KRT27: variants seen among roughly 807,000 people sequenced by gnomAD.
KRT27 encodes keratin 27.
A neutral mutation model predicts 45.3 loss-of-function variants in KRT27; 30 were observed. The ratio of observed to expected loss-of-function variants is 0.66; its 90% CI spans 0.50 to 0.90. The LOEUF (loss-of-function observed/expected upper bound fraction) is 0.90, where lower values mean the gene tolerates loss of function less well. Among genes scored for constraint, KRT27 ranks in the 40% least tolerant of loss-of-function variants. The probability of loss-of-function intolerance (pLI) is 0.00; values close to 1 mark genes in which losing one functional copy is unlikely to be tolerated. For synonymous variants in KRT27, 204 were observed against 223.9 expected, an observed-to-expected ratio of 0.91 and a Z score of 0.79; for missense variants, 610 against 564.3, an observed-to-expected ratio of 1.08 and a Z score of -0.82.
Position 40,781,177 on chromosome 17 carries a change from G to A in KRT27, c.527+11C>T. On this transcript the variant is annotated intron_variant, in intron 2 of 7. Coordinates refer to ENST00000301656, the MANE Select transcript of KRT27 (RefSeq NM_181537.4). Reference sequence around the variant, plus strand: ...AACTTTTTTTTCCCATTTATCTTCAGCTCTACTTACTTTAGTCTGAAGTCA... The same window carrying A: ...AACTTTTTTTTCCCATTTATCTTCAACTCTACTTACTTTAGTCTGAAGTCA... The A allele has an allele frequency of 6.3e-7, 1 of 1,581,644 alleles. No homozygotes were observed. The highest frequency in any genetic ancestry group is 1.2e-5 in the South Asian group (1 of 86,474).
chr17:40,781,178 CTCTA>C lies in KRT27; in HGVS notation c.527+6_527+9del. 1 of 1,581,720 alleles carries C rather than the reference CTCTA, an allele frequency of 6.3e-7. No individual in the cohort carries two copies. Among genetic ancestry groups the C allele is most frequent in the Middle Eastern group, 1.8e-4 (1 of 5,666 alleles). On this transcript the variant is annotated splice_donor_region_variant and intron_variant, in intron 2 of 7. Coordinates refer to ENST00000301656, the MANE Select transcript of KRT27 (RefSeq NM_181537.4). Reference sequence around the variant, plus strand: ...ACTTTTTTTTCCCATTTATCTTCAGCTCTACTTACTTTAGTCTGAAGTCATCAGC... The same window carrying C: ...ACTTTTTTTTCCCATTTATCTTCAGCCTTACTTTAGTCTGAAGTCATCAGC...
At chr17:40,780,268 G>C in intron 3 of KRT27, 32 bp downstream of exon 3, 1 of 1,562,444 alleles carries the variant, frequency 6.4e-7, no homozygotes, top group Non-Finnish European at 8.7e-7. Flanking sequence ...GTAGGGAGGC[G>C]ATTGTGAGAG....
intron 3 of KRT27, 61 bp from the exon 4 acceptor site, chr17:40,779,922 G>A: frequency 6.5e-7 from 1 of 1,538,304 alleles, no homozygotes; most frequent in Non-Finnish European, 8.8e-7. Context: ...CACTTTTTGA[G>A]TTAGGGTCTC....
At chr17:40,780,709 C>T (rs1346437596) in intron 2 of KRT27, among the ~76,000 whole-genome samples, 1 of 152,018 alleles carries the variant, frequency 6.6e-6, no homozygotes, top group Non-Finnish European at 1.5e-5. Context: ...ATTAGCCGGG[C>T]GCAGTGGTGG....
Position 40,777,561 on chromosome 17 carries a change from C to G in KRT27, c.1144G>C (p.Glu382Gln). The G allele has an allele frequency of 1.2e-6, 2 of 1,613,936 alleles. No individual in the cohort carries two copies. The highest frequency in any genetic ancestry group is 1.7e-6 in the Non-Finnish European group (2 of 1,179,846). The change falls in exon 6 of 8, where the codon GAA (glutamate) becomes CAA (glutamine). Residue 382 changes from glutamate (E) to glutamine (Q), a missense_variant. Glu to Gln is a conservative substitution (Grantham distance 29, BLOSUM62 2). Coordinates refer to ENST00000301656, the MANE Select transcript of KRT27 (RefSeq NM_181537.4). The stretch of plus-strand genomic sequence containing the variant: ...AGGCAGTAGGTCTCAATTTCTTTTT[C>G]CAGGTGGACCTTGATGTCAAGGAGC... ...EQLLDIKVHLEKEIETYCLLI... is the reference protein window; with the variant it reads ...EQLLDIKVHLQKEIETYCLLI...
chr17:40,780,439 G>A lies in KRT27; in HGVS notation c.545C>T (p.Ala182Val). 1.2e-6 allele frequency: 2 copies of A among 1,613,266 alleles called. No individual in the cohort carries two copies. The highest frequency in any genetic ancestry group is 1.7e-6 in the Non-Finnish European group (2 of 1,179,804). Reference protein sequence around the residue: ...DFRLKFENELALHQSVEADIN... With the variant: ...DFRLKFENELVLHQSVEADIN... ...GTCCGCCTCCACGCTCTGGTGAAGC[G>A]CTAGCTCGTTTTCAAACCTTAGAAA... is the stretch of plus-strand genomic sequence containing the variant. The change falls in exon 3 of 8, where the codon GCG becomes GTG. Residue 182 changes from alanine to valine, a missense_variant. Physicochemically the swap from Ala to Val is moderately conservative, Grantham distance 64. Transcript: ENST00000301656.
chr17:40,780,561 ATAATACT>A (rs1455586057), intron 2 of KRT27, 105 bp from the exon 3 acceptor site: 5 of 1,091,084 alleles, frequency 4.6e-6, no homozygotes, highest in East Asian at 2.7e-5. Flanking sequence ...AACTACTAAG[ATAATACT>A]TAAAACTTCA....
intron 5 of KRT27, among the ~76,000 whole-genome samples, chr17:40,778,335 GTCTTA>G (rs1174449549): frequency 1.3e-5 from 2 of 152,234 alleles, no homozygotes; most frequent in Admixed American, 6.5e-5. Context: ...AGATGAGAGT[GTCTTA>G]TCCTTTCACC....
At chr17:40,780,042 T>C (rs1214342949) in intron 3 of KRT27, among the ~76,000 whole-genome samples, 181 bp from the exon 4 acceptor site, 1 of 152,170 alleles carries the variant, frequency 6.6e-6, no homozygotes, top group African/African-American at 2.4e-5. Context: ...GTTGGGATTA[T>C]AGGCATGAGC....
At chr17:40,780,750 G>A (rs1195029780) in intron 2 of KRT27, among the ~76,000 whole-genome samples, 1 of 152,196 alleles carries the variant, frequency 6.6e-6, no homozygotes, top group Non-Finnish European at 1.5e-5. Context: ...TCGGGAGGCT[G>A]AGGCGGGAGA....
At chr17:40,780,621 G>A (rs2038303622) in intron 2 of KRT27, among the ~76,000 whole-genome samples, 165 bp from the exon 3 acceptor site, 1 of 152,188 alleles carries the variant, frequency 6.6e-6, no homozygotes, top group African/African-American at 2.4e-5. Context: ...AGCACTTTGG[G>A]AGGCAGAGGC....
At chr17:40,781,941 T>A in intron 1 of KRT27, 109 bp downstream of exon 1, 1 of 888,920 alleles carries the variant, frequency 1.1e-6, no homozygotes. Context: ...TCCTAAAATT[T>A]AGAAGCTGAG....
intron 2 of KRT27, 112 bp from the exon 3 acceptor site, chr17:40,780,568 T>A: frequency 1.9e-6 from 2 of 1,041,180 alleles, no homozygotes; most frequent in Non-Finnish European, 2.8e-6. Context: ...AAGATAATAC[T>A]TAAAACTTCA....
intron 2 of KRT27, 114 bp from the exon 3 acceptor site, chr17:40,780,570 A>G (rs1005999743): frequency 1.5e-4 from 149 of 1,017,074 alleles, no homozygotes; most frequent in Non-Finnish European, 2.0e-4. Context: ...GATAATACTT[A>G]AAACTTCAGG....
intron 5 of KRT27, among the ~76,000 whole-genome samples, chr17:40,778,480 T>C (rs902526011): frequency 6.6e-6 from 1 of 152,230 alleles, no homozygotes; most frequent in African/African-American, 2.4e-5. Context: ...TGGAGAGAAC[T>C]TCTGGATTCC....
intron 2 of KRT27, 42 bp from the exon 3 acceptor site, chr17:40,780,498 A>G: frequency 3.9e-6 from 6 of 1,552,502 alleles, no homozygotes; most frequent in East Asian, 2.3e-5. Flanking sequence ...GTCATTAGAC[A>G]TGGCACATCA....
rs1412009258 is a variant in KRT27 at position 40,777,011 on chromosome 17, C to T, written c.1368G>A (p.Arg456=). The T allele has an allele frequency of 1.9e-6, 3 of 1,611,116 alleles. No homozygotes were observed. In the South Asian group the frequency reaches 3.3e-5, roughly 18 times the overall value. ...CAGAGGCTGGAGTTCAGGAAGACAC[C>T]CTCTGTTCATTCTTGTTGTTGACTT... ...STKVNNKNEQ[R]VSS is the part of the protein sequence containing the mutation. Residue 456 remains arginine, a synonymous_variant, in exon 8 of 8, where the codon AGG becomes AGA. Coordinates refer to ENST00000301656, the MANE Select transcript of KRT27 (RefSeq NM_181537.4).
chr17:40,779,049 C>A (rs2038287537), intron 5 of KRT27, among the ~76,000 whole-genome samples: 1 of 152,084 alleles, frequency 6.6e-6, no homozygotes, highest in Non-Finnish European at 1.5e-5. Context: ...TAACTGTAGT[C>A]ATTCTACAGT....
At chr17:40,781,406 A>T (rs2038310346) in intron 1 of KRT27, 136 bp from the exon 2 acceptor site, 1 of 590,450 alleles carries the variant, frequency 1.7e-6, no homozygotes, top group African/African-American at 1.9e-5. Flanking sequence ...TCTTTTGAAG[A>T]TGGGTAATTT....
Sources: allele counts gnomAD v4.1 joint callset (sites outside exome capture counted in the v4.1 genomes callset), GRCh38; gene constraint gnomAD v4.1.1; transcripts MANE v1.5; gene names NCBI Gene and HGNC (gene_info 2026-07-23, HGNC 2026-07-21).